Variants in SLC35F6 observed in about 807,000 individuals in gnomAD.
SLC35F6 encodes solute carrier family 35 member F6.
SLC35F6 carries 26 observed loss-of-function variants against 29.4 expected under a neutral mutation model. That is an observed-to-expected ratio of 0.89 (90% CI 0.65 to 1.23). The LOEUF (loss-of-function observed/expected upper bound fraction) is 1.23, where lower values mean the gene tolerates loss of function less well. SLC35F6 is among the 50% of genes most tolerant of loss of function. SLC35F6 has a pLI of 0.00. For synonymous variants in SLC35F6, 174 were observed against 206.6 expected, an observed-to-expected ratio of 0.84 and a Z score of 1.35; for missense variants, 428 against 487.8, an observed-to-expected ratio of 0.88 and a Z score of 1.15.
rs1664290628 is a variant in SLC35F6 at position 26,775,830 on chromosome 2, C to T, written c.535+154C>T. 6.6e-6 allele frequency among the ~76,000 whole-genome samples: 1 copy of T among 152,168 alleles called. No individual in the cohort carries two copies. The highest frequency in any genetic ancestry group is 6.5e-5 in the Admixed American group (1 of 15,286). Reference sequence around the variant, plus strand: ...GGTGATGGATAGAATGTAGGGAAGACTGCAAAGGGATGTGGCTCCACCAAG... The same window carrying T: ...GGTGATGGATAGAATGTAGGGAAGATTGCAAAGGGATGTGGCTCCACCAAG... On this transcript the variant is annotated intron_variant, in intron 4 of 5. Coordinates refer to ENST00000344420, the MANE Select transcript of SLC35F6 (RefSeq NM_017877.4). The surrounding 1 kb of genome is among the most constrained non-coding windows in gnomAD (Gnocchi z 4.6).
At chr2:26,764,553 C>CTA (rs1204140606) in intron 1 of SLC35F6, 127 bp downstream of exon 1, 2 of 1,246,514 alleles carry the variant, frequency 1.6e-6, no homozygotes. Flanking sequence ...AGTTCGCGCG[C>CTA]GTTATGACCA....
intron 1 of SLC35F6, among the ~76,000 whole-genome samples, chr2:26,765,423 C>A (rs941836102): frequency 2.0e-5 from 3 of 152,204 alleles, no homozygotes; most frequent in African/African-American, 7.2e-5. Context: ...CTGTTGTGGG[C>A]AGGATGGCAT....
intron 1 of SLC35F6, among the ~76,000 whole-genome samples, chr2:26,773,531 A>G (rs1208568783): frequency 6.6e-6 from 1 of 151,120 alleles, no homozygotes; most frequent in Non-Finnish European, 1.5e-5. Context: ...ACCAAGGATT[A>G]CAAAAGAAGT....
At position 26,778,718 on chromosome 2, in the gene SLC35F6, C is replaced by T; in HGVS notation, c.*207C>T. On this transcript the variant is annotated 3_prime_UTR_variant, in exon 6 of 6. Transcript: ENST00000344420. Reference sequence around the variant, plus strand: ...CACCTGCAGGGTGGTGTTACCCAGCCCCCACAAGCCTGAGTGCAGTGGCAG... The same window carrying T: ...CACCTGCAGGGTGGTGTTACCCAGCTCCCACAAGCCTGAGTGCAGTGGCAG... The T allele has an allele frequency of 1.7e-6, 1 of 575,134 alleles. No homozygotes were observed. Among genetic ancestry groups the T allele is most frequent in the Admixed American group, 3.1e-5 (1 of 32,054 alleles). 35.6% of individuals were successfully genotyped at this position (575,134 alleles called of 1,614,324 possible).
At chr2:26,769,507 C>G (rs1037792255) in intron 1 of SLC35F6, among the ~76,000 whole-genome samples, 6 of 152,252 alleles carry the variant, frequency 3.9e-5, no homozygotes, top group African/African-American at 1.2e-4. Flanking sequence ...GCATGACTGC[C>G]TGCTGAGCTT....
chr2:26,774,361 G>C (rs746115578), intron 2 of SLC35F6, 38 bp downstream of exon 2: 1 of 1,610,960 alleles, frequency 6.2e-7, no homozygotes, highest in Admixed American at 1.7e-5. Flanking sequence ...TGTCTCCCGG[G>C]CCTCAGACCA....
In SLC35F6 at chr2:26,778,787, A is replaced by T. The variant is rs1382626352; in HGVS notation, c.*276A>T. On this transcript the variant is annotated 3_prime_UTR_variant, in exon 6 of 6. Transcript: ENST00000344420. ...CCTCCTACAGCACTAGAGCTAAATC[A>T]TGAAGTTGAATTGTAGGAATTTACC... 2.3e-6 allele frequency: 1 copy of T among 431,044 alleles called. No homozygotes were observed. Among genetic ancestry groups the T allele is most frequent in the Non-Finnish European group, 4.1e-6 (1 of 243,528 alleles). The allele number at this position is 431,044 out of a possible 1,614,324, so 26.7% of individuals were successfully genotyped here. A position where few individuals can be genotyped will look rare whatever the true frequency, so the allele number is the denominator to read the frequency against.
chr2:26,775,415 A>G lies in SLC35F6; in HGVS notation c.323-49A>G. On this transcript the variant is annotated intron_variant, in intron 3 of 5. Coordinates refer to ENST00000344420, the MANE Select transcript of SLC35F6 (RefSeq NM_017877.4). The surrounding 1 kb of genome is among the most constrained non-coding windows in gnomAD (Gnocchi z 4.6). ...ATCACCAAAGACCCCTTAGTGACAG[A>G]TGGCCTTCGCCTTGGGAAGCTAACT... 6.3e-7 allele frequency: 1 copy of G among 1,592,852 alleles called. No individual in the cohort carries two copies. Among genetic ancestry groups the G allele is most frequent in the Non-Finnish European group, 8.6e-7 (1 of 1,168,612 alleles).
intron 1 of SLC35F6, among the ~76,000 whole-genome samples, chr2:26,773,196 C>A (rs996436812): frequency 6.6e-6 from 1 of 152,048 alleles, no homozygotes; most frequent in South Asian, 2.1e-4. Context: ...TGTTTTAAAA[C>A]GTGTAAATAA....
Position 26,764,298 on chromosome 2 carries a change from G to A in SLC35F6, c.-52G>A. The A allele has an allele frequency of 1.3e-6, 2 of 1,543,722 alleles. No homozygotes were observed. Among genetic ancestry groups the A allele is most frequent in the East Asian group, 4.9e-5 (2 of 40,492 alleles). The stretch of plus-strand genomic sequence containing the variant: ...CGGAAGCGCTCGCGCAGGAGACCCC[G>A]GGTGACGGGGCCCGGCGCCGCTAAC... On this transcript the variant is annotated 5_prime_UTR_variant, in exon 1 of 6. Coordinates refer to ENST00000344420, the MANE Select transcript of SLC35F6 (RefSeq NM_017877.4).
intron 1 of SLC35F6, among the ~76,000 whole-genome samples, chr2:26,770,717 CA>C (rs571506730): frequency 1.3e-4 from 19 of 143,118 alleles, no homozygotes; most frequent in Admixed American, 2.1e-4. Context: ...GGCTCCGTTT[CA>C]AAAAAAAAAA....
intron 5 of SLC35F6, among the ~76,000 whole-genome samples, chr2:26,777,468 C>G (rs1423606629): frequency 6.6e-6 from 1 of 152,206 alleles, no homozygotes; most frequent in Non-Finnish European, 1.5e-5. Flanking sequence ...AGCTAAGGGA[C>G]TTAGGCAGAA....
In SLC35F6 at chr2:26,778,288, T is replaced by C; in HGVS notation, c.893T>C (p.Leu298Ser). The C allele has an allele frequency of 1.2e-6, 2 of 1,614,170 alleles. No homozygotes were observed. Among genetic ancestry groups the C allele is most frequent in the Middle Eastern group, 3.3e-4 (2 of 6,062 alleles). ...ACCACCCGCATGGTGTTGGACAGCT[T>C]GCGCACCGTTGTCATCTGGGCACTG... Reference protein sequence around the residue: ...SATTRMVLDSLRTVVIWALSL... With the variant: ...SATTRMVLDSSRTVVIWALSL... Residue 298 changes from leucine (L) to serine (S), a missense_variant, in exon 6 of 6, where the codon TTG becomes TCG. Leu to Ser is a moderately radical substitution (Grantham distance 145). Transcript: ENST00000344420.
chr2:26,774,582 C>T (rs567051730), intron 2 of SLC35F6, among the ~76,000 whole-genome samples: 5 of 152,326 alleles, frequency 3.3e-5, no homozygotes, highest in African/African-American at 1.2e-4. Context: ...AAAACATCAG[C>T]CCTAGTGACA....
At chr2:26,770,970 G>A (rs1012847369) in intron 1 of SLC35F6, among the ~76,000 whole-genome samples, 6 of 152,220 alleles carry the variant, frequency 3.9e-5, no homozygotes, top group African/African-American at 1.4e-4. Flanking sequence ...CTCAGGCTGG[G>A]CAAGGCAGCC....
At chr2:26,769,015 G>A (rs778024769) in intron 1 of SLC35F6, among the ~76,000 whole-genome samples, 2 of 152,184 alleles carry the variant, frequency 1.3e-5, no homozygotes, top group Non-Finnish European at 2.9e-5. Context: ...GCCACCTGCT[G>A]TGGCACCCCA....
At chr2:26,771,689 TG>T (rs779841554) in intron 1 of SLC35F6, among the ~76,000 whole-genome samples, 4 of 152,094 alleles carry the variant, frequency 2.6e-5, no homozygotes, top group Non-Finnish European at 5.9e-5. Context: ...TTAGGCACCA[TG>T]GGTGCAGTGG....
chr2:26,764,315 G>C lies in SLC35F6; in HGVS notation c.-35G>C, dbSNP rs1185328869. The C allele has an allele frequency of 5.2e-6, 8 of 1,546,874 alleles. No individual in the cohort carries two copies. The highest frequency in any genetic ancestry group is 4.9e-5 in the East Asian group (2 of 40,562). Reference sequence around the variant, plus strand: ...GAGACCCCGGGTGACGGGGCCCGGCGCCGCTAACTGGAGCGAACCCCAGCG... The same window carrying C: ...GAGACCCCGGGTGACGGGGCCCGGCCCCGCTAACTGGAGCGAACCCCAGCG... On this transcript the variant is annotated 5_prime_UTR_variant, in exon 1 of 6. Coordinates refer to ENST00000344420, the MANE Select transcript of SLC35F6 (RefSeq NM_017877.4).
At chr2:26,773,805 G>T (rs969313154) in intron 1 of SLC35F6, among the ~76,000 whole-genome samples, 6 of 151,778 alleles carry the variant, frequency 4.0e-5, no homozygotes, top group Non-Finnish European at 8.8e-5. Flanking sequence ...TAGAGACGGG[G>T]TTTCACCATG....
Sources: gnomAD v4.1 joint callset for allele counts (sites outside exome capture counted in the v4.1 genomes callset) on GRCh38, gnomAD v4.1.1 for gene constraint, Gnocchi (gnomAD v3.1) non-coding constraint, MANE v1.5 for transcripts, NCBI Gene and HGNC (gene_info 2026-07-23, HGNC 2026-07-21) for gene names.